The following SCAPER variants were observed in gnomAD, a reference collection of about 807,000 sequenced individuals.
SCAPER encodes the protein S phase cyclin A-associated protein in the endoplasmic reticulum.
Under a neutral mutation model 182.2 loss-of-function variants are expected in SCAPER, and 98 were observed. That is an observed-to-expected ratio of 0.54 (90% confidence interval 0.46 to 0.64). The LOEUF (loss-of-function observed/expected upper bound fraction) is 0.64. Ranked by LOEUF, SCAPER falls within the 30% of genes least tolerant of loss-of-function variation. The pLI, the probability that SCAPER is intolerant of heterozygous loss-of-function variation, is 0.00. For missense variants in SCAPER, 1,432 were observed against 1,690.0 expected (o/e 0.85, Z 2.68); for synonymous variants, 605 against 564.6 (o/e 1.07, Z -1.01).
At chr15:76,797,895 T>C (rs2065443834) in intron 7 of SCAPER, among the ~76,000 whole-genome samples, 1 of 147,670 alleles carries the variant, frequency 6.8e-6, no homozygotes, top group Admixed American at 6.9e-5. Context: ...TCCAAAGATG[T>C]CACATTTTAT....
At chr15:76,856,636 G>A (rs1416838833) in intron 4 of SCAPER, among the ~76,000 whole-genome samples, 2 of 151,772 alleles carry the variant, frequency 1.3e-5, no homozygotes, top group African/African-American at 2.4e-5. Context: ...AGAAGCCCAT[G>A]TTTTTCTCAT....
intron 4 of SCAPER, among the ~76,000 whole-genome samples, chr15:76,848,289 C>T (rs1229292961): frequency 4.6e-5 from 7 of 150,934 alleles, no homozygotes; most frequent in Non-Finnish European, 7.4e-5. Context: ...CGTGAGCCAC[C>T]GCGCCTGGCC....
chr15:76,652,361 C>CATAT (rs2055195738), intron 21 of SCAPER, among the ~76,000 whole-genome samples: 1 of 31,858 alleles, frequency 3.1e-5, no homozygotes, highest in Non-Finnish European at 5.3e-5. Flanking sequence ...CACACACACA[C>CATAT]ACACACACAC....
At chr15:76,569,699 C>G (rs900893137) in intron 23 of SCAPER, among the ~76,000 whole-genome samples, 1 of 151,858 alleles carries the variant, frequency 6.6e-6, no homozygotes, top group Non-Finnish European at 1.5e-5. Flanking sequence ...ATATTATATC[C>G]TTTTTATACT....
chr15:76,841,215 CA>C (rs142281692), intron 5 of SCAPER, among the ~76,000 whole-genome samples: 113 of 151,760 alleles, frequency 7.4e-4, no homozygotes, highest in African/African-American at 2.5e-3. Context: ...TAGGTAATGC[CA>C]AAAAAAATCT....
intron 8 of SCAPER, among the ~76,000 whole-genome samples, chr15:76,781,392 A>G (rs563912011): frequency 1.3e-3 from 196 of 152,334 alleles, no homozygotes; most frequent in African/African-American, 4.4e-3. Flanking sequence ...GACTATGTGA[A>G]AAGACCAAAT....
At chr15:76,885,529 A>C (rs2073794161) in intron 1 of SCAPER, among the ~76,000 whole-genome samples, 1 of 152,166 alleles carries the variant, frequency 6.6e-6, no homozygotes, top group Non-Finnish European at 1.5e-5. Context: ...TGTCGCCCAG[A>C]CTGGAGTGCA....
intron 22 of SCAPER, among the ~76,000 whole-genome samples, chr15:76,609,212 C>G (rs879609746): frequency 4.6e-5 from 7 of 152,136 alleles, no homozygotes; most frequent in Admixed American, 4.6e-4. Context: ...TTGGGCTGGG[C>G]ACAATGGCTC....
intron 23 of SCAPER, among the ~76,000 whole-genome samples, chr15:76,548,802 G>T (rs955162094): frequency 6.6e-6 from 1 of 152,156 alleles, no homozygotes; most frequent in Non-Finnish European, 1.5e-5. Context: ...ATTCAAGATG[G>T]ACTAAAGACC....
At chr15:76,684,538 A>G (rs897345757) in intron 20 of SCAPER, among the ~76,000 whole-genome samples, 2 of 151,930 alleles carry the variant, frequency 1.3e-5, no homozygotes, top group African/African-American at 4.8e-5. Flanking sequence ...AATAAAAAAA[A>G]CCTTAGGGAA....
At chr15:76,582,297 T>A (rs1264426078) in intron 22 of SCAPER, among the ~76,000 whole-genome samples, 1 of 152,226 alleles carries the variant, frequency 6.6e-6, no homozygotes, top group African/African-American at 2.4e-5. Flanking sequence ...ATCATTAGCA[T>A]TTCTACATCC....
At chr15:76,671,680 G>A (rs957467087) in intron 20 of SCAPER, among the ~76,000 whole-genome samples, 1 of 151,988 alleles carries the variant, frequency 6.6e-6, no homozygotes, top group Non-Finnish European at 1.5e-5. Context: ...TGAGGCAGGA[G>A]AATGGTGTGA....
intron 22 of SCAPER, among the ~76,000 whole-genome samples, chr15:76,584,637 T>C (rs1345959234): frequency 2.6e-5 from 4 of 152,236 alleles, no homozygotes; most frequent in Non-Finnish European, 4.4e-5. Flanking sequence ...TAAAATGTAC[T>C]ATGGAACTTG....
intron 17 of SCAPER, among the ~76,000 whole-genome samples, chr15:76,719,983 G>A (rs958660320): frequency 6.6e-6 from 1 of 151,558 alleles, no homozygotes; most frequent in Non-Finnish European, 1.5e-5. Flanking sequence ...CAACGTGCAG[G>A]TTTGTTACAT....
intron 23 of SCAPER, among the ~76,000 whole-genome samples, chr15:76,511,880 TA>T (rs2042070831): frequency 5.1e-5 from 6 of 117,444 alleles, no homozygotes; most frequent in African/African-American, 2.2e-4. Context: ...TGTATATATA[TA>T]TATATTTTTT....
intron 15 of SCAPER, among the ~76,000 whole-genome samples, chr15:76,747,877 A>G (rs1440929878): frequency 6.6e-6 from 1 of 152,128 alleles, no homozygotes; most frequent in Admixed American, 6.6e-5. Flanking sequence ...TTCTTTATAA[A>G]TTACCCAGCC....
intron 23 of SCAPER, among the ~76,000 whole-genome samples, chr15:76,557,327 C>A (rs541623265): frequency 1.3e-5 from 2 of 152,316 alleles, no homozygotes; most frequent in Non-Finnish European, 2.9e-5. Flanking sequence ...AAGAACTAAG[C>A]TGGAGATATC....
rs777072296 is a variant in SCAPER at position 76,574,221 on chromosome 15, T to C, written c.2775A>G (p.Ala925=). The C allele has an allele frequency of 1.4e-4, 218 of 1,611,760 alleles. No individual in the cohort carries two copies. Among genetic ancestry groups the C allele is most frequent in the Non-Finnish European group, 1.7e-4 (200 of 1,178,954 alleles). ...QVQVQDSGSW[A]NNKVSALDRT... is the part of the protein sequence containing the mutation. Reference sequence around the variant, plus strand: ...GATCCAAAGCAGACACTTTATTGTTTGCCCATGAGCCACTGTCTTGAACTT... The same window carrying C: ...GATCCAAAGCAGACACTTTATTGTTCGCCCATGAGCCACTGTCTTGAACTT... The change falls in exon 23 of 32, where the codon GCA becomes GCG. Residue 925 remains alanine, a synonymous_variant. Transcript: ENST00000563290.
chr15:76,471,625 T>C (rs981422354), intron 24 of SCAPER, among the ~76,000 whole-genome samples: 2 of 152,174 alleles, frequency 1.3e-5, no homozygotes, highest in African/African-American at 2.4e-5. Flanking sequence ...TTCTGAATAC[T>C]CTAAGACTAG....
Sources: allele counts gnomAD v4.1 joint callset (sites outside exome capture counted in the v4.1 genomes callset), GRCh38; gene constraint gnomAD v4.1.1; transcripts MANE v1.5; gene names NCBI Gene and HGNC (gene_info 2026-07-23, HGNC 2026-07-21).